Variants in ERI2 observed in about 807,000 individuals in gnomAD.
ERI2 encodes ERI1 exoribonuclease 2.
ERI2 carries 35 observed loss-of-function variants against 46.8 expected under a neutral mutation model. The observed-to-expected ratio is 0.75, with a 90% CI of 0.57 to 0.99. ERI2 has a LOEUF of 0.99. Ranked by LOEUF, ERI2 falls within the 50% of genes least tolerant of loss-of-function variation. The pLI, the probability that ERI2 is intolerant of heterozygous loss-of-function variation, is 0.00. For missense variants in ERI2, 695 were observed against 796.2 expected (o/e 0.87, Z 1.53); for synonymous variants, 224 against 271.0 (o/e 0.83, Z 1.70).
chr16:20,800,429 A>G, intron 5 of ERI2, 27 bp from the exon 6 acceptor site: 1 of 1,400,488 alleles, frequency 7.1e-7, no homozygotes, highest in South Asian at 1.3e-5. Flanking sequence ...AAAATAGAAC[A>G]AAGTCAATGA....
intron 10 of ERI2, chr16:20,789,365 C>T (rs369999141): frequency 8.9e-6 from 7 of 784,380 alleles, no homozygotes; most frequent in East Asian, 7.4e-5. Flanking sequence ...AAAGGTTTAG[C>T]ATTAATTACT....
intron 10 of ERI2, chr16:20,780,815 A>T (rs760766792): frequency 1.9e-6 from 3 of 1,614,244 alleles, no homozygotes; most frequent in Non-Finnish European, 2.5e-6. Context: ...ATGACTGCAC[A>T]CACCCACAGC....
rs528831972 is a variant in ERI2 at position 20,789,611 on chromosome 16, G to T, written c.816-54C>A. The T allele has an allele frequency of 2.5e-6, 3 of 1,222,360 alleles. No individual in the cohort carries two copies. In the East Asian group the frequency reaches 7.3e-5, roughly 30 times the overall value. The allele number at this position is 1,222,360 out of a possible 1,614,324, so 75.7% of individuals were successfully genotyped here. On this transcript the variant is annotated intron_variant, in intron 9 of 10. Transcript: ENST00000300005. ...AGATATTTATTTATCAAGAGGAAAA[G>T]ATAATCAAGACCTATTGCTAAATGA... is the stretch of plus-strand genomic sequence containing the variant.
At chr16:20,780,672 T>C in exon 11 of ERI2, 1 of 1,614,208 alleles carries the variant, frequency 6.2e-7, no homozygotes, top group Non-Finnish European at 8.5e-7. Flanking sequence ...CAGTCTGTGA[T>C]GCTGTGTTTA....
chr16:20,799,038 C>T lies in ERI2; in HGVS notation c.762G>A (p.Leu254=), dbSNP rs1428809370. 1.3e-6 allele frequency: 2 copies of T among 1,515,986 alleles called. No individual in the cohort carries two copies. The highest frequency in any genetic ancestry group is 4.8e-5 in the Admixed American group (2 of 41,922). 93.9% of individuals were successfully genotyped at this position (1,515,986 alleles called of 1,614,324 possible). The part of the protein sequence containing the change: ...KVPTKKNFSI[L]ARNLNTIQVE... ...CTTGAATTGTATTCAAATTTCTGGC[C>T]AGAATGCTGAAATTCTTCTTAGTGG... The change falls in exon 9 of 9, where the codon CTG becomes CTA. Residue 254 remains leucine, a synonymous_variant. Coordinates refer to ENST00000357967, the MANE Select transcript of ERI2 (RefSeq NM_001142725.2).
intron 10 of ERI2, among the ~76,000 whole-genome samples, chr16:20,787,576 G>T (rs1292681092): frequency 6.6e-6 from 1 of 152,164 alleles, no homozygotes; most frequent in African/African-American, 2.4e-5. Flanking sequence ...ATTTTAACAA[G>T]CACCCCCCAA....
chr16:20,787,903 A>AC (rs1567360259), intron 10 of ERI2, among the ~76,000 whole-genome samples: 1 of 151,964 alleles, frequency 6.6e-6, no homozygotes. Flanking sequence ...CTGAAGAACC[A>AC]CCCCCCGACA....
chr16:20,804,527 G>A (rs928297716), intron 1 of ERI2, among the ~76,000 whole-genome samples: 3 of 152,010 alleles, frequency 2.0e-5, no homozygotes, highest in Non-Finnish European at 2.9e-5. Context: ...TAGCTGGGGC[G>A]TGATGGTGCA....
chr16:20,797,910 G>C lies in ERI2; in HGVS notation c.1890C>G (p.Asn630Lys). 6.4e-7 allele frequency: 1 copy of C among 1,551,594 alleles called. No individual in the cohort carries two copies. The highest frequency in any genetic ancestry group is 8.7e-7 in the Non-Finnish European group (1 of 1,146,906). Reference sequence around the variant, plus strand: ...ATTTGAAATAACCACAACATTTTCTGTTTTCTTGGTATTTCCCGATAGGGC... The same window carrying C: ...ATTTGAAATAACCACAACATTTTCTCTTTTCTTGGTATTTCCCGATAGGGC... ...YCCPIGKYQE[N>K]RKCCGYFKWE... The change falls in exon 9 of 9, where the codon AAC (asparagine) becomes AAG (lysine). Residue 630 changes from asparagine to lysine, a missense_variant. Physicochemically the swap from Asn to Lys is moderately conservative, Grantham distance 94. Coordinates refer to ENST00000357967, the MANE Select transcript of ERI2 (RefSeq NM_001142725.2).
Position 20,797,571 on chromosome 16 carries a change from T to A in ERI2, c.*153A>T. 1 of 1,289,732 alleles carries A rather than the reference T, an allele frequency of 7.8e-7. No homozygotes were observed. Among genetic ancestry groups the A allele is most frequent in the Non-Finnish European group, 9.8e-7 (1 of 1,020,438 alleles). The allele number at this position is 1,289,732 out of a possible 1,614,324, so 79.9% of individuals were successfully genotyped here. ...ATTATATGTAATCTAATAAATACTGTTTACAAAAGATTACACTTGTGGTTC... is the reference window on the plus strand; with the variant it reads ...ATTATATGTAATCTAATAAATACTGATTACAAAAGATTACACTTGTGGTTC... On this transcript the variant is annotated 3_prime_UTR_variant, in exon 9 of 9. Coordinates refer to ENST00000357967, the MANE Select transcript of ERI2 (RefSeq NM_001142725.2).
chr16:20,800,556 A>G, intron 5 of ERI2, 154 bp from the exon 6 acceptor site: 2 of 435,466 alleles, frequency 4.6e-6, no homozygotes, highest in African/African-American at 4.1e-5. Flanking sequence ...TTCACTTTAT[A>G]TAACTTACTA....
At chr16:20,793,532 G>A (rs1414862773), downstream of ERI2, among the ~76,000 whole-genome samples, 1 of 152,172 alleles carries the variant, frequency 6.6e-6, no homozygotes, top group Non-Finnish European at 1.5e-5. Flanking sequence ...TGTTACAGTG[G>A]AGGGTGGATC....
chr16:20,792,016 A>C, downstream of ERI2: 1 of 1,614,098 alleles, frequency 6.2e-7, no homozygotes, highest in Non-Finnish European at 8.5e-7. Flanking sequence ...ATCCTTCAAA[A>C]ACAGCTTCAA....
At position 20,800,040 on chromosome 16, in the gene ERI2, T is replaced by TA. The variant is rs1277243401; in HGVS notation, c.562-3dup. 2 of 1,543,864 alleles carry TA rather than the reference T, an allele frequency of 1.3e-6. No homozygotes were observed. The highest frequency in any genetic ancestry group is 2.7e-5 in the African/African-American group (2 of 72,758). ...TTTTGGTTTTCTCCTATAGAAAAGC[T>TA]AACCAATAAAAAAAGATATATTTAA... On this transcript the variant is annotated splice_polypyrimidine_tract_variant and splice_region_variant and intron_variant, in intron 6 of 8. Transcript: ENST00000357967.
At chr16:20,791,779 T>G (rs921293042), downstream of ERI2, among the ~76,000 whole-genome samples, 1 of 151,970 alleles carries the variant, frequency 6.6e-6, no homozygotes, top group African/African-American at 2.4e-5. Context: ...AATACAAAAA[T>G]TAGCCGGGTG....
In ERI2 at chr16:20,796,601, A is replaced by G; in HGVS notation, c.*1123T>C. On this transcript the variant is annotated 3_prime_UTR_variant, in exon 9 of 9. Transcript: ENST00000357967. ...CACACATGCTGCACCACATGTCCCA[A>G]ACTGAACTGATGACATATGGGTAAG... is the stretch of plus-strand genomic sequence containing the variant. 6.5e-7 allele frequency: 1 copy of G among 1,549,752 alleles called. No individual in the cohort carries two copies. The highest frequency in any genetic ancestry group is 2.3e-5 in the East Asian group (1 of 42,998).
chr16:20,793,775 G>A (rs565681433), downstream of ERI2, among the ~76,000 whole-genome samples: 90 of 152,260 alleles, frequency 5.9e-4, no homozygotes, highest in African/African-American at 2.0e-3. Context: ...GAACATCATC[G>A]GCAAGGTTTC....
At chr16:20,788,600 A>G (rs1852013746) in intron 10 of ERI2, among the ~76,000 whole-genome samples, 1 of 152,194 alleles carries the variant, frequency 6.6e-6, no homozygotes, top group Non-Finnish European at 1.5e-5. Context: ...TGTTCCAACC[A>G]GGTGAATATC....
rs762321543 is a variant in ERI2 at position 20,798,542 on chromosome 16, C to T, written c.1258G>A (p.Glu420Lys). 1.7e-5 allele frequency: 26 copies of T among 1,551,602 alleles called. 1 individual carries two copies. The South Asian group carries it at 2.6e-4, about 16-fold the overall frequency. The change falls in exon 9 of 9, where the codon GAG becomes AAG. Residue 420 changes from glutamate (E) to lysine (K), a missense_variant. Coordinates refer to ENST00000357967, the MANE Select transcript of ERI2 (RefSeq NM_001142725.2). ...DVVLLPASQPEENVDCTVPIS... is the reference protein window; with the variant it reads ...DVVLLPASQPKENVDCTVPIS... ...GGAACTGTACAGTCTACGTTTTCCT[C>T]AGGCTGAGATGCTGGCAGTAAAACC...
Sources: gnomAD v4.1 joint callset for allele counts (sites outside exome capture counted in the v4.1 genomes callset) on GRCh38, gnomAD v4.1.1 for gene constraint, MANE v1.5 for transcripts, NCBI Gene and HGNC (gene_info 2026-07-23, HGNC 2026-07-21) for gene names.